CGN: variants seen among roughly 807,000 people sequenced by gnomAD.
CGN encodes cingulin.
In CGN, 121 loss-of-function variants were observed where a neutral mutation model predicts 157.1. The ratio of observed to expected loss-of-function variants is 0.77; its 90% confidence interval spans 0.66 to 0.90. The LOEUF is 0.90. Ranked by LOEUF, CGN falls within the 40% of genes least tolerant of loss-of-function variation. The probability of loss-of-function intolerance (pLI) is 0.00; values close to 1 mark genes in which losing one functional copy is unlikely to be tolerated. For missense variants in CGN, 1,424 were observed against 1,520.9 expected (o/e 0.94, Z 1.06); for synonymous variants, 535 against 607.5 (o/e 0.88, Z 1.76).
chr1:151,531,383 A>C (rs1664834745), intron 13 of CGN, among the ~76,000 whole-genome samples: 1 of 152,084 alleles, frequency 6.6e-6, no homozygotes, highest in Non-Finnish European at 1.5e-5. Flanking sequence ...ACATAATAAG[A>C]CTCTGTCTCT....
At chr1:151,533,140 TA>T (rs1203527366) in intron 14 of CGN, among the ~76,000 whole-genome samples, 1 of 152,200 alleles carries the variant, frequency 6.6e-6, no homozygotes, top group African/African-American at 2.4e-5. Flanking sequence ...GATCAGAATT[TA>T]AAAAAACTCC....
chr1:151,514,596 T>C (rs957541469), intron 1 of CGN, among the ~76,000 whole-genome samples: 29 of 152,072 alleles, frequency 1.9e-4, no homozygotes, highest in Admixed American at 1.9e-3. Flanking sequence ...TCCAAACACC[T>C]GGGGACACAG....
intron 13 of CGN, among the ~76,000 whole-genome samples, chr1:151,531,065 C>T (rs904480234): frequency 3.3e-5 from 5 of 151,654 alleles, no homozygotes; most frequent in East Asian, 1.9e-4. Context: ...CACTTGCACC[C>T]GGAAGGTGGA....
intron 11 of CGN, 43 bp downstream of exon 11, chr1:151,529,602 G>C: frequency 6.4e-7 from 1 of 1,551,304 alleles, no homozygotes; most frequent in Non-Finnish European, 8.8e-7. Context: ...GAGGCTGAGG[G>C]TGTCTGGAGG....
chr1:151,533,962 AC>A lies in CGN; in HGVS notation c.2743-8del, dbSNP rs1243006638. ...CACTACACTGAGCTGTGGCATTTTT[AC>A]CCCCTGCCCAGATCCAGAGGCTGCG... On this transcript the variant is annotated splice_polypyrimidine_tract_variant and intron_variant, in intron 14 of 20. Transcript: ENST00000271636. The A allele has an allele frequency of 6.3e-7, 1 of 1,595,130 alleles. No individual in the cohort carries two copies. The highest frequency in any genetic ancestry group is 1.4e-5 in the African/African-American group (1 of 73,784).
At chr1:151,534,895 G>A in intron 15 of CGN, 147 bp from the exon 16 acceptor site, 1 of 634,422 alleles carries the variant, frequency 1.6e-6, no homozygotes, top group East Asian at 2.7e-5. Flanking sequence ...CTCCATAGTG[G>A]CTCTGGGTCC....
Position 151,519,177 on chromosome 1 carries a change from C to T in CGN, c.658C>T (p.Pro220Ser). The T allele has an allele frequency of 6.2e-7, 1 of 1,614,120 alleles. No individual in the cohort carries two copies. Among genetic ancestry groups the T allele is most frequent in the African/African-American group, 1.3e-5 (1 of 75,072 alleles). ...GAGCAAGAGCCTGGACAGCCGCCTC[C>T]CACGGGACACCTTTGAGGAACGGGA... The part of the protein sequence containing the change: ...KRSKSLDSRL[P>S]RDTFEERERQ... The change falls in exon 2 of 21, where the codon CCA (proline) becomes TCA (serine). Residue 220 changes from proline (P) to serine (S), a missense_variant. This residue lies in a region of CGN where 1,187 missense variants were observed against 1,217.6 expected (regional missense o/e 0.97). Coordinates refer to ENST00000271636, the MANE Select transcript of CGN (RefSeq NM_020770.3).
Position 151,530,065 on chromosome 1 carries a change from G to A in CGN, c.2263G>A (p.Gly755Ser). The stretch of plus-strand genomic sequence containing the variant: ...GAAGGAGACTCGAGGTCTGGTGGAT[G>A]GTGGGGAAGCGGTGGAGGCACGACT... ...QLKETRGLVD[G>S]GEAVEARLRD... is the part of the protein sequence containing the mutation. The change falls in exon 12 of 21, where the codon GGT becomes AGT. Residue 755 changes from glycine (G) to serine (S), a missense_variant. By Grantham distance (56) the Gly-to-Ser change is moderately conservative (BLOSUM62 0). Around this residue, in one of 3 missense-constraint regions of CGN, gnomAD observed 1,187 missense variants for 1,217.6 expected, o/e 0.97. Transcript: ENST00000271636. 2 of 1,614,116 alleles carry A rather than the reference G, an allele frequency of 1.2e-6. No individual in the cohort carries two copies. Among genetic ancestry groups the A allele is most frequent in the Non-Finnish European group, 1.7e-6 (2 of 1,179,994 alleles).
At chr1:151,525,932 G>A in intron 9 of CGN, 142 bp downstream of exon 9, 1 of 503,508 alleles carries the variant, frequency 2.0e-6, no homozygotes, top group Non-Finnish European at 2.9e-6. Flanking sequence ...GAGTGTCATG[G>A]CACGATCTTG....
At chr1:151,523,136 C>T (rs900682770) in intron 5 of CGN, among the ~76,000 whole-genome samples, 4 of 152,152 alleles carry the variant, frequency 2.6e-5, no homozygotes, top group South Asian at 2.1e-4. Context: ...TTACTCATCA[C>T]GTCCTCCTTT....
chr1:151,518,838 C>G lies in CGN; in HGVS notation c.319C>G (p.Gln107Glu). The G allele has an allele frequency of 6.2e-7, 1 of 1,614,004 alleles. No individual in the cohort carries two copies. Among genetic ancestry groups the G allele is most frequent in the Non-Finnish European group, 8.5e-7 (1 of 1,179,944 alleles). ...DLELPENPYS[Q>E]VKGFPAPSQS... is the part of the protein sequence containing the mutation. ...GGAACTCCCTGAGAACCCCTACTCT[C>G]AGGTCAAGGGATTTCCTGCCCCCTC... The change falls in exon 2 of 21, where the codon CAG becomes GAG. Residue 107 changes from glutamine (Q) to glutamate (E), a missense_variant. Around this residue, in one of 3 missense-constraint regions of CGN, gnomAD observed 1,187 missense variants for 1,217.6 expected, o/e 0.97. Transcript: ENST00000271636.
chr1:151,534,940 A>G (rs1479233887), intron 15 of CGN, 102 bp from the exon 16 acceptor site: 4 of 803,108 alleles, frequency 5.0e-6, no homozygotes, highest in African/African-American at 1.7e-5. Flanking sequence ...GATGTGCAAG[A>G]GAGAAAAGTC....
At chr1:151,521,748 G>T (rs1167211305) in intron 5 of CGN, among the ~76,000 whole-genome samples, 1 of 152,190 alleles carries the variant, frequency 6.6e-6, no homozygotes, top group African/African-American at 2.4e-5. Context: ...TGAGGCAGGA[G>T]AATTACTTGC....
rs749811036 is a variant in CGN, at chr1:151,534,099, C to T, written c.2867C>T (p.Ser956Phe). 1 of 1,608,566 alleles carries T rather than the reference C, an allele frequency of 6.2e-7. No individual in the cohort carries two copies. Among genetic ancestry groups the T allele is most frequent in the Non-Finnish European group, 8.5e-7 (1 of 1,177,476 alleles). ...LEQEAENKKR[S>F]QDDRARQLKG... is the part of the protein sequence containing the mutation. The stretch of plus-strand genomic sequence containing the variant: ...CAAGAGGCAGAGAACAAGAAGCGTT[C>T]CCAGGACGACAGGGCCCGGCAGCTG... The change falls in exon 15 of 21, where the codon TCC becomes TTC. Residue 956 changes from serine (S) to phenylalanine (F), a missense_variant. Coordinates refer to ENST00000271636, the MANE Select transcript of CGN (RefSeq NM_020770.3).
rs780464971 is a variant in CGN, at chr1:151,532,534, G to T, written c.2704G>T (p.Glu902Ter). The T allele has an allele frequency of 6.3e-7, 1 of 1,592,314 alleles. No individual in the cohort carries two copies. Among genetic ancestry groups the T allele is most frequent in the Non-Finnish European group, 8.5e-7 (1 of 1,171,224 alleles). ...GGCCAAGGATTGGGCCAGTGAGGCT[G>T]AGAAGACCTCTGGAGGACTGAGCCG... is the stretch of plus-strand genomic sequence containing the variant. ...RQAKDWASEA[E>*]KTSGGLSRLQ... Residue 902 changes from glutamate (E) to a stop codon, truncating the protein, a stop_gained, in exon 14 of 21, where the codon GAG (glutamate) becomes TAG (stop). Coordinates refer to ENST00000271636, the MANE Select transcript of CGN (RefSeq NM_020770.3). LOFTEE classifies it high-confidence loss of function.
At chr1:151,520,571 C>T in intron 4 of CGN, 25 bp from the exon 5 acceptor site, 2 of 1,613,632 alleles carry the variant, frequency 1.2e-6, no homozygotes, top group Non-Finnish European at 1.7e-6. Context: ...ACTCCCTTCC[C>T]CCACACCCCC....
At chr1:151,527,946 A>ATTTT (rs1664726653) in intron 10 of CGN, 1 of 128,744 alleles carries the variant, frequency 7.8e-6, no homozygotes, top group Non-Finnish European at 1.3e-5. Context: ...ATATATATAT[A>ATTTT]TATATTTTTT....
Position 151,534,050 on chromosome 1 carries a change from G to A in CGN, c.2818G>A (p.Ala940Thr), listed in dbSNP as rs41272467. 44,373 of 1,613,726 alleles carry A rather than the reference G, an allele frequency of 0.027. 760 individuals are homozygous for A. Among genetic ancestry groups the A allele is most frequent in the Non-Finnish European group, 0.032 (37,860 of 1,179,910 alleles). The change falls in exon 15 of 21, where the codon GCC (alanine) becomes ACC (threonine). Residue 940 changes from alanine (A) to threonine (T), a missense_variant. Ala to Thr is a moderately conservative substitution (Grantham distance 58). This residue lies in a region of CGN where 1,187 missense variants were observed against 1,217.6 expected (regional missense o/e 0.97). Transcript: ENST00000271636. Reference protein sequence around the residue: ...DTARLDKELLAQRLQGLEQEA... With the variant: ...DTARLDKELLTQRLQGLEQEA... ...AGCCCGGCTGGACAAAGAGCTACTG[G>A]CCCAGCGACTGCAGGGGCTGGAGCA...
intron 13 of CGN, among the ~76,000 whole-genome samples, chr1:151,531,373 A>G (rs144042298): frequency 2.2e-4 from 34 of 152,372 alleles, no homozygotes; most frequent in Non-Finnish European, 4.3e-4. Context: ...AGCTTGGGCA[A>G]CATAATAAGA....
Sources: gnomAD v4.1 joint callset for allele counts (sites outside exome capture counted in the v4.1 genomes callset) on GRCh38, gnomAD v4.1.1 for gene constraint, gnomAD v4.1.1 regional missense constraint, MANE v1.5 for transcripts, NCBI Gene and HGNC (gene_info 2026-07-23, HGNC 2026-07-21) for gene names.